Variants in ERC2 observed in about 807,000 individuals in gnomAD.
ERC2 encodes the protein ELKS/RAB6-interacting/CAST family member 2.
ERC2 carries 42 observed loss-of-function variants against 114.8 expected under a neutral mutation model. The ratio of observed to expected loss-of-function variants is 0.37; its 90% CI spans 0.29 to 0.47. ERC2 has a LOEUF of 0.47. Ranked by LOEUF, ERC2 falls within the 20% of genes least tolerant of loss-of-function variation. The pLI, the probability that ERC2 is intolerant of heterozygous loss-of-function variation, is 0.99. For synonymous variants in ERC2, 454 were observed against 425.5 expected (o/e 1.07, Z -0.82); for missense variants, 939 against 1,150.7 (o/e 0.82, Z 2.66).
chr3:55,734,797 G>T lies in ERC2; in HGVS notation c.2686C>A (p.Arg896=), dbSNP rs780225228. ...TGCTGCTTTAATTGATGTACTAGTCGGTCTTTTTCCCGCTTGAGGGCCATG... is the reference window on the plus strand; with the variant it reads ...TGCTGCTTTAATTGATGTACTAGTCTGTCTTTTTCCCGCTTGAGGGCCATG... ...EVMALKREKD[R]LVHQLKQQTQ... The change falls in exon 15 of 18, where the codon CGA becomes AGA. Residue 896 remains arginine (R), a synonymous_variant. Coordinates refer to ENST00000288221, the MANE Select transcript of ERC2 (RefSeq NM_015576.3). 1.9e-6 allele frequency: 3 copies of T among 1,612,522 alleles called. No homozygotes were observed. Among genetic ancestry groups the T allele is most frequent in the African/African-American group, 1.3e-5 (1 of 74,806 alleles).
At chr3:55,641,603 TA>T (rs1490719298) in intron 17 of ERC2, among the ~76,000 whole-genome samples, 3 of 142,622 alleles carry the variant, frequency 2.1e-5, no homozygotes, top group Admixed American at 2.1e-4. Flanking sequence ...CCTTCCCTTT[TA>T]AAAAATAGTT....
chr3:56,023,848 C>A (rs2073887696), intron 7 of ERC2, among the ~76,000 whole-genome samples: 1 of 128,028 alleles, frequency 7.8e-6, no homozygotes, highest in African/African-American at 2.6e-5. Flanking sequence ...AAGGAAGAGG[C>A]CAGAGTAGGT....
At chr3:56,012,073 T>C (rs1338030251) in intron 8 of ERC2, among the ~76,000 whole-genome samples, 4 of 152,166 alleles carry the variant, frequency 2.6e-5, no homozygotes. Flanking sequence ...TGCCTATATT[T>C]GTTTCTTCTT....
At chr3:56,221,249 G>A (rs558551222) in intron 3 of ERC2, among the ~76,000 whole-genome samples, 1 of 151,960 alleles carries the variant, frequency 6.6e-6, no homozygotes, top group Admixed American at 6.6e-5. Flanking sequence ...ATTAGGTACT[G>A]ACTAAGCATT....
chr3:56,286,886 C>A (rs983544711), intron 3 of ERC2, among the ~76,000 whole-genome samples: 1 of 152,168 alleles, frequency 6.6e-6, no homozygotes, highest in Non-Finnish European at 1.5e-5. Flanking sequence ...ACTCACCTTT[C>A]TTTTTCCTTT....
chr3:55,951,755 C>G (rs887428715), intron 12 of ERC2, among the ~76,000 whole-genome samples: 7 of 152,106 alleles, frequency 4.6e-5, no homozygotes, highest in Middle Eastern at 3.4e-3. Flanking sequence ...TGAGCCCTGA[C>G]TCAGTAAAAA....
intron 2 of ERC2, among the ~76,000 whole-genome samples, chr3:56,418,249 G>A (rs2061246012): frequency 6.8e-6 from 1 of 147,562 alleles, no homozygotes; most frequent in Non-Finnish European, 1.5e-5. Flanking sequence ...AGTAAGCTAT[G>A]ATTGCCACTG....
intron 17 of ERC2, among the ~76,000 whole-genome samples, chr3:55,541,737 G>A (rs989789552): frequency 6.6e-6 from 1 of 152,170 alleles, no homozygotes; most frequent in African/African-American, 2.4e-5. Flanking sequence ...ACACAAAATG[G>A]ATTGTCTAGA....
intron 17 of ERC2, among the ~76,000 whole-genome samples, chr3:55,563,704 A>G (rs574879863): frequency 6.6e-6 from 1 of 152,368 alleles, no homozygotes; most frequent in Non-Finnish European, 1.5e-5. Context: ...GAAGGGAATG[A>G]GTCCAACATG....
intron 17 of ERC2, among the ~76,000 whole-genome samples, chr3:55,532,458 C>T (rs750212495): frequency 2.3e-4 from 35 of 152,182 alleles, no homozygotes; most frequent in Non-Finnish European, 4.4e-4. Context: ...AACAAGCAAA[C>T]AAACCTCTAT....
intron 2 of ERC2, among the ~76,000 whole-genome samples, chr3:56,302,859 C>T (rs2055973053): frequency 6.6e-6 from 1 of 152,220 alleles, no homozygotes; most frequent in Non-Finnish European, 1.5e-5. Context: ...AGGACAGAGA[C>T]CTTCCAATAC....
chr3:55,691,154 C>T (rs1309218314), intron 16 of ERC2, among the ~76,000 whole-genome samples: 2 of 152,102 alleles, frequency 1.3e-5, no homozygotes, highest in East Asian at 1.9e-4. Flanking sequence ...TCACATATGC[C>T]GTCTGGCTCA....
At chr3:56,309,156 C>G (rs1246248017) in intron 2 of ERC2, among the ~76,000 whole-genome samples, 4 of 152,212 alleles carry the variant, frequency 2.6e-5, no homozygotes, top group African/African-American at 4.8e-5. Flanking sequence ...GACATATGGT[C>G]TAGCCTCTAG....
chr3:55,953,264 T>G (rs1235274939), intron 12 of ERC2, among the ~76,000 whole-genome samples: 6 of 151,642 alleles, frequency 4.0e-5, no homozygotes, highest in Admixed American at 3.9e-4. Context: ...TTTGACATTA[T>G]GATGGAGGCC....
chr3:55,541,321 A>C (rs1196449151), intron 17 of ERC2, among the ~76,000 whole-genome samples: 12 of 152,126 alleles, frequency 7.9e-5, no homozygotes, highest in Admixed American at 7.9e-4. Flanking sequence ...AAAGACGCTG[A>C]AACAGCCAAA....
intron 3 of ERC2, among the ~76,000 whole-genome samples, chr3:56,188,246 C>T (rs1006288638): frequency 2.0e-5 from 3 of 152,140 alleles, no homozygotes; most frequent in African/African-American, 7.2e-5. Context: ...ATCCAGTTGC[C>T]CTCAGGAGCC....
chr3:55,613,178 A>G (rs1430534867), intron 17 of ERC2: 2 of 152,244 alleles, frequency 1.3e-5, no homozygotes, highest in Non-Finnish European at 2.9e-5. Context: ...TTCCAGTTAG[A>G]ATACCAGCTG....
intron 5 of ERC2, among the ~76,000 whole-genome samples, chr3:56,142,770 C>G (rs1273659373): frequency 6.6e-6 from 1 of 150,566 alleles, no homozygotes; most frequent in Admixed American, 6.6e-5. Flanking sequence ...TACTGGCTGT[C>G]ATTTATGGTG....
chr3:55,886,137 C>T (rs2063338427), intron 14 of ERC2, among the ~76,000 whole-genome samples: 2 of 151,946 alleles, frequency 1.3e-5, no homozygotes, highest in South Asian at 4.2e-4. Context: ...GGGAGGAAGA[C>T]GAGAGACAGG....
Sources: allele counts gnomAD v4.1 joint callset (sites outside exome capture counted in the v4.1 genomes callset), GRCh38; gene constraint gnomAD v4.1.1; transcripts MANE v1.5; gene names NCBI Gene and HGNC (gene_info 2026-07-23, HGNC 2026-07-21).